The following HIPK2 variants were observed in gnomAD, a reference collection of about 807,000 sequenced individuals.
The protein encoded by HIPK2 is homeodomain-interacting protein kinase 2.
Under a neutral mutation model 113.7 loss-of-function variants are expected in HIPK2, and 27 were observed. The ratio of observed to expected loss-of-function variants is 0.24; its 90% confidence interval spans 0.17 to 0.33. The LOEUF (loss-of-function observed/expected upper bound fraction) is 0.33, where lower values mean the gene tolerates loss of function less well. Ranked by LOEUF, HIPK2 falls within the 10% of genes least tolerant of loss-of-function variation. The pLI, the probability that HIPK2 is intolerant of heterozygous loss-of-function variation, is 1.00. For synonymous variants in HIPK2, 631 were observed against 642.2 expected (o/e 0.98, Z 0.26); for missense variants, 1,257 against 1,588.0 (o/e 0.79, Z 3.54).
In HIPK2 at chr7:139,596,746, C is replaced by T. The variant is rs1189450685; in HGVS notation, c.2688G>A (p.Glu896=). ...TGGGGGCGTGTTTCTGTTCCTCCTC[C>T]TCGTCCGTGTCACTGCTGATGGTGA... The part of the protein sequence containing the change: ...SVITISSDTD[E]EEEQKHAPTS... The change falls in exon 12 of 15, where the codon GAG becomes GAA. Residue 896 remains glutamate, a synonymous_variant. Coordinates refer to ENST00000406875, the MANE Select transcript of HIPK2 (RefSeq NM_022740.5). 6.2e-7 allele frequency: 1 copy of T among 1,613,028 alleles called. No individual in the cohort carries two copies. The highest frequency in any genetic ancestry group is 8.5e-7 in the Non-Finnish European group (1 of 1,179,010).
In HIPK2 at chr7:139,600,462, C is replaced by A. The variant is rs1799383398; in HGVS notation, c.2390G>T (p.Ser797Ile). The change falls in exon 11 of 15, where the codon AGC becomes ATC. Residue 797 changes from serine to isoleucine, a missense_variant. By Grantham distance (142) the Ser-to-Ile change is moderately radical. Transcript: ENST00000406875. ...VAHVMRQQPT[S>I]TTSSRKSKQH... ...CTTACTCTTCCGGGAGGAGGTGGTG[C>A]TGGTTGGCTGCTGCCGCATCACGTG... 17 of 1,613,924 alleles carry A rather than the reference C, an allele frequency of 1.1e-5. No individual in the cohort carries two copies. Among genetic ancestry groups the A allele is most frequent in the Non-Finnish European group, 1.4e-5 (16 of 1,179,892 alleles).
Position 139,573,260 on chromosome 7 carries a change from A to G in HIPK2, c.3264T>C (p.Ala1088=). The G allele has an allele frequency of 6.2e-7, 1 of 1,604,600 alleles. No individual in the cohort carries two copies. The highest frequency in any genetic ancestry group is 1.7e-5 in the Admixed American group (1 of 60,006). The change falls in exon 15 of 15, where the codon GCT becomes GCC. Residue 1088 remains alanine (A), a synonymous_variant. Coordinates refer to ENST00000406875, the MANE Select transcript of HIPK2 (RefSeq NM_022740.5). The stretch of plus-strand genomic sequence containing the variant: ...GGAGGTGGGCAGCGGCAGCGGCTGC[A>G]GCCAGATGCGGGTGCACAGTGCCGT... ...PSHGTVHPHL[A]AAAAAAHLPT...
intron 7 of HIPK2, among the ~76,000 whole-genome samples, chr7:139,615,209 G>A (rs1799995986): frequency 1.3e-5 from 2 of 152,250 alleles, no homozygotes; most frequent in Non-Finnish European, 2.9e-5. Context: ...AGGGGCTCAG[G>A]ACTATGGGCA....
rs77381386 is a variant in HIPK2 at position 139,712,485 on chromosome 7, T to C, written c.1103+3447A>G. On this transcript the variant is annotated intron_variant, in intron 2 of 14. Transcript: ENST00000406875. ...GGGACGATAATGTGCCCAGCTCAGA[T>C]ACAGGGGGCCGAGGGGAGAAAGTCC... Among the ~76,000 whole-genome samples, 122 of 152,338 alleles carry C rather than the reference T, an allele frequency of 8.0e-4. 3 individuals carry two copies. The highest frequency in any genetic ancestry group is 5.6e-3 in the East Asian group (29 of 5,186).
rs1335137299 is a variant in HIPK2 at position 139,704,297 on chromosome 7, A to C, written c.1103+11635T>G. On this transcript the variant is annotated intron_variant, in intron 2 of 14. Transcript: ENST00000406875. ...TACACACCCAACACACACCACACCC[A>C]ACACATACACCCCCTCCACACCCAC... Among the ~76,000 whole-genome samples the C allele has an allele frequency of 4.6e-3, 565 of 122,576 alleles. 3 individuals carry two copies. The highest frequency in any genetic ancestry group is 6.4e-3 in the Middle Eastern group (1 of 156). 80.4% of individuals were successfully genotyped at this position (122,576 alleles called of 152,430 possible).
At chr7:139,605,605 G>A (rs889802960) in intron 9 of HIPK2, among the ~76,000 whole-genome samples, 5 of 152,146 alleles carry the variant, frequency 3.3e-5, no homozygotes, top group African/African-American at 9.7e-5. Context: ...TTATAAAAAT[G>A]AGAGAATCAC....
At chr7:139,692,627 C>T (rs918826249) in intron 2 of HIPK2, among the ~76,000 whole-genome samples, 1 of 152,092 alleles carries the variant, frequency 6.6e-6, no homozygotes, top group African/African-American at 2.4e-5. Flanking sequence ...TACTATCTCC[C>T]AATTGAGAAA....
At chr7:139,596,129 G>A (rs1271009077) in intron 12 of HIPK2, among the ~76,000 whole-genome samples, 3 of 152,190 alleles carry the variant, frequency 2.0e-5, no homozygotes, top group African/African-American at 7.2e-5. Context: ...AGAGGCTCTG[G>A]CGCCAGGGTT....
chr7:139,711,984 G>A (rs1166824087), intron 2 of HIPK2, among the ~76,000 whole-genome samples: 1 of 152,120 alleles, frequency 6.6e-6, no homozygotes, highest in African/African-American at 2.4e-5. Context: ...CCAGTTCTCT[G>A]AGGCAAGTCT....
chr7:139,700,078 A>G (rs1794666196), intron 2 of HIPK2, among the ~76,000 whole-genome samples: 1 of 152,166 alleles, frequency 6.6e-6, no homozygotes, highest in Non-Finnish European at 1.5e-5. Flanking sequence ...AGGAAAACAA[A>G]TCCTCAGTGG....
At chr7:139,693,032 G>A (rs976858489) in intron 2 of HIPK2, among the ~76,000 whole-genome samples, 1 of 152,098 alleles carries the variant, frequency 6.6e-6, no homozygotes, top group African/African-American at 2.4e-5. Context: ...GAAGGGGCTG[G>A]CATAATGACA....
At chr7:139,638,788 G>A (rs528181939) in intron 2 of HIPK2, among the ~76,000 whole-genome samples, 43 of 151,574 alleles carry the variant, frequency 2.8e-4, no homozygotes, top group Middle Eastern at 3.4e-3. Context: ...CTCCTGAGTA[G>A]TTGGGACTAC....
At chr7:139,585,644 T>C (rs1003298514) in intron 12 of HIPK2, among the ~76,000 whole-genome samples, 4 of 152,218 alleles carry the variant, frequency 2.6e-5, no homozygotes, top group Admixed American at 2.0e-4. Context: ...ACCTATATCA[T>C]AGGCTTGTTT....
chr7:139,706,490 C>T (rs1035514724), intron 2 of HIPK2, among the ~76,000 whole-genome samples: 35 of 152,316 alleles, frequency 2.3e-4, no homozygotes, highest in African/African-American at 7.0e-4. Flanking sequence ...TGCAGGCATT[C>T]GGTCATTCAC....
chr7:139,742,346 G>A (rs1431551121), intron 1 of HIPK2, among the ~76,000 whole-genome samples: 1 of 152,162 alleles, frequency 6.6e-6, no homozygotes, highest in Non-Finnish European at 1.5e-5. Context: ...AAAAAAATGA[G>A]GTCAAAACAG....
chr7:139,692,602 T>C (rs953210267), intron 2 of HIPK2, among the ~76,000 whole-genome samples: 2 of 152,212 alleles, frequency 1.3e-5, no homozygotes, highest in East Asian at 1.9e-4. Context: ...TCCCACATGA[T>C]AGTAATTGCA....
At chr7:139,689,974 AG>A (rs1569475047) in intron 2 of HIPK2, among the ~76,000 whole-genome samples, 1 of 139,918 alleles carries the variant, frequency 7.1e-6, no homozygotes, top group African/African-American at 2.6e-5. Flanking sequence ...GAGCTCACGC[AG>A]GGTGCCGGGC....
intron 2 of HIPK2, among the ~76,000 whole-genome samples, chr7:139,688,665 C>T (rs1794302820): frequency 6.6e-6 from 1 of 152,170 alleles, no homozygotes; most frequent in African/African-American, 2.4e-5. Context: ...TAATGTGGCA[C>T]AGGATAATAT....
At chr7:139,753,794 G>A (rs1207626900) in intron 1 of HIPK2, among the ~76,000 whole-genome samples, 5 of 152,236 alleles carry the variant, frequency 3.3e-5, no homozygotes, top group Non-Finnish European at 2.9e-5. Context: ...CCCTGACCCA[G>A]TACACATAGG....
Sources: gnomAD v4.1 joint callset for allele counts (sites outside exome capture counted in the v4.1 genomes callset) on GRCh38, gnomAD v4.1.1 for gene constraint, MANE v1.5 for transcripts, NCBI Gene and HGNC (gene_info 2026-07-23, HGNC 2026-07-21) for gene names.